Variants in CFAP300 observed in about 807,000 individuals in gnomAD.
CFAP300 encodes the protein cilia and flagella associated protein 300.
A neutral mutation model predicts 33.0 loss-of-function variants in CFAP300; 32 were observed. The ratio of observed to expected loss-of-function variants is 0.97; its 90% CI spans 0.73 to 1.30. The LOEUF (loss-of-function observed/expected upper bound fraction) is 1.30, where lower values mean the gene tolerates loss of function less well. Among genes scored for constraint, CFAP300 ranks in the 50% most tolerant of loss-of-function variants. The pLI is 0.00. For synonymous variants in CFAP300, 102 were observed against 106.8 expected (o/e 0.95, Z 0.28); for missense variants, 356 against 318.1 (o/e 1.12, Z -0.90).
intron 6 of CFAP300, among the ~76,000 whole-genome samples, chr11:102,082,204 A>G (rs1942483392): frequency 6.6e-6 from 1 of 151,400 alleles, no homozygotes; most frequent in African/African-American, 2.4e-5. Flanking sequence ...GTAAAACCCC[A>G]TCTCTACAAA....
chr11:102,064,384 C>T lies in CFAP300; in HGVS notation c.269-2101C>T, dbSNP rs1310884904. ...CAACATCACCTAGAACTCCTCTTATCATTTCCTATGGTCTCCTTTTTTCTT... is the reference window on the plus strand; with the variant it reads ...CAACATCACCTAGAACTCCTCTTATTATTTCCTATGGTCTCCTTTTTTCTT... On this transcript the variant is annotated intron_variant, in intron 3 of 6. Transcript: ENST00000434758. Among the ~76,000 whole-genome samples, 7 of 152,296 alleles carry T rather than the reference C, an allele frequency of 4.6e-5. No homozygotes were observed. In the East Asian group the frequency reaches 1.3e-3, roughly 29 times the overall value.
intron 4 of CFAP300, among the ~76,000 whole-genome samples, chr11:102,069,620 T>G (rs1942280006): frequency 6.6e-6 from 1 of 151,980 alleles, no homozygotes; most frequent in Non-Finnish European, 1.5e-5. Flanking sequence ...CTGGCCAACA[T>G]GGTGAAAACC....
At chr11:102,048,129 C>G (rs1941912874) in intron 2 of CFAP300, among the ~76,000 whole-genome samples, 2 of 152,174 alleles carry the variant, frequency 1.3e-5, no homozygotes, top group Admixed American at 1.3e-4. Context: ...CATCTTGTAT[C>G]TTGCCTCGGG....
At chr11:102,048,409 A>G (rs1941919343) in intron 2 of CFAP300, among the ~76,000 whole-genome samples, 1 of 50,062 alleles carries the variant, frequency 2.0e-5, no homozygotes, top group South Asian at 5.2e-4. Context: ...TTTTAGAGGC[A>G]GAGTCTCACT....
intron 2 of CFAP300, among the ~76,000 whole-genome samples, chr11:102,048,922 C>T (rs1227293324): frequency 1.3e-5 from 2 of 152,028 alleles, no homozygotes; most frequent in Non-Finnish European, 2.9e-5. Context: ...TTTGGCATAA[C>T]AAACACTTCC....
intron 5 of CFAP300, among the ~76,000 whole-genome samples, chr11:102,078,216 CAG>C (rs1942426476): frequency 6.6e-6 from 1 of 152,112 alleles, no homozygotes; most frequent in South Asian, 2.1e-4. Flanking sequence ...TTAAAATGTG[CAG>C]AGTTACTTAG....
chr11:102,073,913 A>G (rs373932451), intron 4 of CFAP300, among the ~76,000 whole-genome samples: 1 of 151,924 alleles, frequency 6.6e-6, no homozygotes, highest in African/African-American at 2.4e-5. Flanking sequence ...TGCGTGGTAG[A>G]CCTCCTGCTG....
In CFAP300 at chr11:102,083,264, TATAG is replaced by T; in HGVS notation, c.*69_*72del. 8.2e-7 allele frequency: 1 copy of T among 1,216,848 alleles called. No homozygotes were observed. Among genetic ancestry groups the T allele is most frequent in the Middle Eastern group, 2.5e-4 (1 of 4,010 alleles). 75.4% of individuals were successfully genotyped at this position (1,216,848 alleles called of 1,614,324 possible). A position where few individuals can be genotyped will look rare whatever the true frequency, so the allele number is the denominator to read the frequency against. On this transcript the variant is annotated 3_prime_UTR_variant, in exon 7 of 7. Transcript: ENST00000434758. ...TCATTTTTCTATCTTAATACTAACT[TATAG>T]ATAAACATATACTTTGCAAATTAAT...
intron 3 of CFAP300, among the ~76,000 whole-genome samples, chr11:102,061,549 G>A (rs1942149679): frequency 6.6e-6 from 1 of 152,112 alleles, no homozygotes; most frequent in South Asian, 2.1e-4. Flanking sequence ...ACATATAATG[G>A]ATGCTTCCTA....
chr11:102,080,723 A>G (rs1942461962), intron 5 of CFAP300, among the ~76,000 whole-genome samples: 1 of 152,164 alleles, frequency 6.6e-6, no homozygotes, highest in South Asian at 2.1e-4. Flanking sequence ...TATATACATT[A>G]TCTCATTTGA....
chr11:102,061,614 C>G (rs142440072), intron 3 of CFAP300, among the ~76,000 whole-genome samples: 165 of 152,248 alleles, frequency 1.1e-3, no homozygotes, highest in African/African-American at 3.8e-3. Flanking sequence ...TGAAACAATG[C>G]AAGAAAGGTA....
intron 3 of CFAP300, among the ~76,000 whole-genome samples, chr11:102,063,061 G>A (rs1430323789): frequency 1.3e-5 from 2 of 152,244 alleles, no homozygotes; most frequent in African/African-American, 4.8e-5. Context: ...CATTTCAACA[G>A]GCCAGATGGC....
intron 2 of CFAP300, among the ~76,000 whole-genome samples, chr11:102,056,267 A>G (rs1942055264): frequency 6.6e-6 from 1 of 152,210 alleles, no homozygotes; most frequent in African/African-American, 2.4e-5. Context: ...AAACCATACT[A>G]TATTAAAACA....
chr11:102,083,039 A>G (rs1417376891), intron 6 of CFAP300, 32 bp from the exon 7 acceptor site: 2 of 1,185,080 alleles, frequency 1.7e-6, no homozygotes, highest in Non-Finnish European at 2.2e-6. Flanking sequence ...AAATAAAATA[A>G]AATAATAATA....
intron 3 of CFAP300, among the ~76,000 whole-genome samples, chr11:102,064,298 G>A (rs997549322): frequency 2.0e-5 from 3 of 152,096 alleles, no homozygotes; most frequent in African/African-American, 7.2e-5. Context: ...CTCCTCCTGT[G>A]TCCACTGACC....
intron 3 of CFAP300, among the ~76,000 whole-genome samples, chr11:102,060,139 T>A (rs1942127629): frequency 6.6e-6 from 1 of 152,082 alleles, no homozygotes. Context: ...ACCTGGCTAA[T>A]TTTTGTGTTT....
chr11:102,072,723 G>A (rs764068861), intron 4 of CFAP300, among the ~76,000 whole-genome samples: 3 of 151,762 alleles, frequency 2.0e-5, no homozygotes, highest in Non-Finnish European at 2.9e-5. Context: ...CATATTTCTT[G>A]TGTCCTTATA....
intron 2 of CFAP300, among the ~76,000 whole-genome samples, chr11:102,055,015 CTG>C (rs1942028909): frequency 6.7e-6 from 1 of 149,418 alleles, no homozygotes; most frequent in Non-Finnish European, 1.5e-5. Flanking sequence ...GAGTCTCTCT[CTG>C]TCGCCCAGGC....
intron 3 of CFAP300, among the ~76,000 whole-genome samples, chr11:102,065,772 A>G (rs1383960381): frequency 3.3e-5 from 5 of 149,590 alleles, no homozygotes; most frequent in Non-Finnish European, 7.4e-5. Context: ...CATCTCAAAG[A>G]AAAAAAAAAG....
Sources: allele counts gnomAD v4.1 joint callset (sites outside exome capture counted in the v4.1 genomes callset), GRCh38; gene constraint gnomAD v4.1.1; transcripts MANE v1.5; gene names NCBI Gene and HGNC (gene_info 2026-07-23, HGNC 2026-07-21).